NLGN1: variants seen among roughly 807,000 people sequenced by gnomAD.
NLGN1 encodes the protein neuroligin-1.
A neutral mutation model predicts 65.5 loss-of-function variants in NLGN1; 12 were observed. The ratio of observed to expected loss-of-function variants is 0.18; its 90% CI spans 0.12 to 0.30. The LOEUF is 0.30. Among genes scored for constraint, NLGN1 ranks in the 10% least tolerant of loss-of-function variants. The pLI is 1.00. For synonymous variants in NLGN1, 350 were observed against 359.5 expected (o/e 0.97, Z 0.30); for missense variants, 750 against 1,007.1 (o/e 0.74, Z 3.46).
chr3:173,911,105 A>T (rs1272727324), intron 4 of NLGN1, among the ~76,000 whole-genome samples: 1 of 152,234 alleles, frequency 6.6e-6, no homozygotes, highest in Non-Finnish European at 1.5e-5. Context: ...TACTTGCAGA[A>T]AGAAAACAAA....
chr3:174,012,203 C>T (rs757874763), intron 4 of NLGN1, among the ~76,000 whole-genome samples: 11 of 152,158 alleles, frequency 7.2e-5, no homozygotes, highest in Non-Finnish European at 1.3e-4. Context: ...GTGTCCCTTA[C>T]CACCCATCTC....
At chr3:174,263,551 T>A (rs1351706613) in intron 4 of NLGN1, among the ~76,000 whole-genome samples, 4 of 151,902 alleles carry the variant, frequency 2.6e-5, no homozygotes, top group African/African-American at 4.8e-5. Context: ...TCTTCCTCCA[T>A]CCTTTTATAT....
chr3:173,418,329 A>ATATTTC (rs1714226327), intron 1 of NLGN1, among the ~76,000 whole-genome samples: 1 of 141,140 alleles, frequency 7.1e-6, no homozygotes. Flanking sequence ...TATGAACTGC[A>ATATTTC]TATTTCAATG....
Position 173,507,080 on chromosome 3 carries a change from T to C in NLGN1, c.-321+72002T>C, listed in dbSNP as rs141889391. Among the ~76,000 whole-genome samples the C allele has an allele frequency of 8.1e-3, 1,238 of 152,236 alleles. 21 individuals are homozygous for C. Among genetic ancestry groups the C allele is most frequent in the African/African-American group, 0.029 (1,196 of 41,560 alleles). ...AAACAGATTTTAATGTAGAGTTGGG[T>C]CACTGAACACTTGCTACTTCACACT... is the stretch of plus-strand genomic sequence containing the variant. On this transcript the variant is annotated intron_variant, in intron 2 of 6. Transcript: ENST00000457714.
At chr3:173,633,429 A>G (rs1266446378) in intron 3 of NLGN1, among the ~76,000 whole-genome samples, 1 of 152,264 alleles carries the variant, frequency 6.6e-6, no homozygotes, top group East Asian at 1.9e-4. Flanking sequence ...GTGTGTTCTT[A>G]GCCAAATATA....
At chr3:174,188,406 C>T (rs1731808477) in intron 4 of NLGN1, among the ~76,000 whole-genome samples, 1 of 152,006 alleles carries the variant, frequency 6.6e-6, no homozygotes, top group African/African-American at 2.4e-5. Flanking sequence ...ATTCACTGCG[C>T]AGTTGCTGTG....
chr3:174,183,199 C>T (rs1730766334), intron 4 of NLGN1, among the ~76,000 whole-genome samples: 1 of 152,116 alleles, frequency 6.6e-6, no homozygotes, highest in Non-Finnish European at 1.5e-5. Context: ...TCCATTCTTA[C>T]TGGAAGCTCA....
At chr3:174,024,159 A>C (rs1040639717) in intron 4 of NLGN1, among the ~76,000 whole-genome samples, 15 of 151,780 alleles carry the variant, frequency 9.9e-5, no homozygotes, top group Admixed American at 7.9e-4. Context: ...AAAAAAAAAA[A>C]AAAAAAACAC....
At chr3:173,870,299 C>T (rs1730934499) in intron 4 of NLGN1, among the ~76,000 whole-genome samples, 1 of 152,036 alleles carries the variant, frequency 6.6e-6, no homozygotes, top group South Asian at 2.1e-4. Flanking sequence ...ACTATGAATT[C>T]CATGAAATTC....
At chr3:174,220,825 T>A (rs1467655584) in intron 4 of NLGN1, among the ~76,000 whole-genome samples, 1 of 152,186 alleles carries the variant, frequency 6.6e-6, no homozygotes, top group African/African-American at 2.4e-5. Context: ...AGCAATTCTG[T>A]GTATTAATTA....
chr3:174,261,242 G>C (rs1746841538), intron 4 of NLGN1, among the ~76,000 whole-genome samples: 1 of 151,228 alleles, frequency 6.6e-6, no homozygotes, highest in Admixed American at 6.6e-5. Context: ...GTAGCTTTAT[G>C]GGGATGGCAT....
At chr3:174,037,027 A>G (rs545468618) in intron 4 of NLGN1, among the ~76,000 whole-genome samples, 17 of 152,288 alleles carry the variant, frequency 1.1e-4, no homozygotes, top group African/African-American at 3.8e-4. Flanking sequence ...TTAATTCCAT[A>G]TCTTTGCTGT....
intron 4 of NLGN1, among the ~76,000 whole-genome samples, chr3:174,192,886 T>C (rs1295325933): frequency 6.6e-6 from 1 of 152,138 alleles, no homozygotes; most frequent in African/African-American, 2.4e-5. Flanking sequence ...TGCATTTCCA[T>C]ATATCTGGGC....
At chr3:173,768,231 C>A (rs916769654) in intron 3 of NLGN1, among the ~76,000 whole-genome samples, 1 of 152,088 alleles carries the variant, frequency 6.6e-6, no homozygotes, top group Non-Finnish European at 1.5e-5. Context: ...AAAAGTAATT[C>A]ATTGAATTTT....
At chr3:173,412,556 C>T (rs1469239952) in intron 1 of NLGN1, among the ~76,000 whole-genome samples, 1 of 99,320 alleles carries the variant, frequency 1.0e-5, no homozygotes. Context: ...CTGAGTGAAA[C>T]TCTATCTTAA....
rs575234833 is a variant in NLGN1 at position 174,023,040 on chromosome 3, A to T, written c.646+215208A>T. Among the ~76,000 whole-genome samples, 578 of 152,304 alleles carry T rather than the reference A, an allele frequency of 3.8e-3. 4 individuals are homozygous for T. Among genetic ancestry groups the T allele is most frequent in the African/African-American group, 0.013 (538 of 41,574 alleles). ...AGAAAGAAGCTTTATTGATATAAAA[A>T]ATTAGCAGAGGCGATAGCATTCATA... is the stretch of plus-strand genomic sequence containing the variant. On this transcript the variant is annotated intron_variant, in intron 4 of 6. Coordinates refer to ENST00000457714, the Ensembl canonical transcript of NLGN1.
chr3:173,399,237 G>GT (rs974202011), intron 1 of NLGN1, among the ~76,000 whole-genome samples: 1 of 152,172 alleles, frequency 6.6e-6, no homozygotes, highest in African/African-American at 2.4e-5. Context: ...AGAAGTAACT[G>GT]TTTTCTGTAA....
At chr3:174,289,464 T>C (rs1235946794), downstream of NLGN1, among the ~76,000 whole-genome samples, 2 of 151,346 alleles carry the variant, frequency 1.3e-5, no homozygotes, top group Non-Finnish European at 3.0e-5. Context: ...TCAGATGTAT[T>C]TGCAGGATAT....
intron 4 of NLGN1, among the ~76,000 whole-genome samples, chr3:174,042,613 C>T (rs199715849): frequency 7.9e-5 from 12 of 152,198 alleles, no homozygotes; most frequent in East Asian, 5.8e-4. Context: ...TTTTACCTAA[C>T]GAAAAATAAT....
Sources: allele counts gnomAD v4.1 joint callset (sites outside exome capture counted in the v4.1 genomes callset), GRCh38; gene constraint gnomAD v4.1.1; transcripts MANE v1.5; gene names NCBI Gene and HGNC (gene_info 2026-07-23, HGNC 2026-07-21).